CPNE5: variants seen among roughly 807,000 people sequenced by gnomAD.
CPNE5 encodes the protein copine-5.
Under a neutral mutation model 81.1 loss-of-function variants are expected in CPNE5, and 42 were observed. The ratio of observed to expected loss-of-function variants is 0.52; its 90% CI spans 0.40 to 0.67. CPNE5 has a LOEUF of 0.67. CPNE5 is among the 30% of genes least tolerant of loss of function. CPNE5 has a pLI of 0.00. For synonymous variants in CPNE5, 313 were observed against 321.5 expected (o/e 0.97, Z 0.28); for missense variants, 612 against 815.5 (o/e 0.75, Z 3.04).
chr6:36,836,205 A>C (rs1467242837), intron 1 of CPNE5, among the ~76,000 whole-genome samples: 1 of 152,232 alleles, frequency 6.6e-6, no homozygotes, highest in Non-Finnish European at 1.5e-5. Context: ...CAGGGGCCTG[A>C]AACTGTCCAT....
intron 6 of CPNE5, among the ~76,000 whole-genome samples, chr6:36,795,023 C>T (rs570845357): frequency 4.1e-4 from 63 of 152,224 alleles, no homozygotes; most frequent in Non-Finnish European, 5.6e-4. Context: ...TTCCAGACTC[C>T]GCATCCAGAC....
Position 36,796,496 on chromosome 6 carries a change from C to T in CPNE5, c.404+1669G>A, listed in dbSNP as rs114177320. Reference sequence around the variant, plus strand: ...CATCCTGGCAACCCAGGTAAAGCCACGGGTGGGGGTGCTGCTGGAAAGAGC... The same window carrying T: ...CATCCTGGCAACCCAGGTAAAGCCATGGGTGGGGGTGCTGCTGGAAAGAGC... On this transcript the variant is annotated intron_variant, in intron 6 of 20. Coordinates refer to ENST00000244751, the MANE Select transcript of CPNE5 (RefSeq NM_020939.2). 3.1e-3 allele frequency among the ~76,000 whole-genome samples: 465 copies of T among 152,292 alleles called. 5 individuals carry two copies. Among genetic ancestry groups the T allele is most frequent in the African/African-American group, 0.011 (443 of 41,558 alleles).
At chr6:36,803,811 T>C (rs236403) in intron 3 of CPNE5, among the ~76,000 whole-genome samples, 73,099 of 151,996 alleles carry the variant, frequency 0.48, 19,430 homozygotes, top group African/African-American at 0.71. Flanking sequence ...TTAACAGGTG[T>C]TTTTTAAAAA....
At position 36,766,480 on chromosome 6, in the gene CPNE5, G is replaced by C. The variant is rs1328492978; in HGVS notation, c.738-1104C>G. ...GTAAACCAGCACTCCTGTACAATGA[G>C]GCAGGCATGGAAGCCCACCATTTAA... On this transcript the variant is annotated intron_variant, in intron 10 of 20. Transcript: ENST00000244751. The surrounding 1 kb of genome is among the most constrained non-coding windows in gnomAD (Gnocchi z 4.2). 1.3e-5 allele frequency among the ~76,000 whole-genome samples: 2 copies of C among 152,192 alleles called. No individual in the cohort carries two copies. Among genetic ancestry groups the C allele is most frequent in the Non-Finnish European group, 2.9e-5 (2 of 68,034 alleles).
intron 3 of CPNE5, among the ~76,000 whole-genome samples, chr6:36,811,098 C>G (rs1771062786): frequency 6.6e-6 from 1 of 152,210 alleles, no homozygotes; most frequent in Non-Finnish European, 1.5e-5. Context: ...GGGAACGACC[C>G]TTTACCAATG....
chr6:36,835,126 G>A (rs979422973), intron 1 of CPNE5, among the ~76,000 whole-genome samples: 7 of 152,234 alleles, frequency 4.6e-5, no homozygotes, highest in South Asian at 4.1e-4. Flanking sequence ...GCCCCGCCGC[G>A]TCTTCCCTGG....
At chr6:36,828,562 TCAGCATAGAAAGAAACA>T (rs1772720299) in intron 1 of CPNE5, among the ~76,000 whole-genome samples, 1 of 152,204 alleles carries the variant, frequency 6.6e-6, no homozygotes, top group Admixed American at 6.5e-5. Context: ...GGCTTTGGCT[TCAGCATAGAAAGAAACA>T]TTTTCCTGGG....
chr6:36,827,155 T>A (rs1359949322), intron 1 of CPNE5, among the ~76,000 whole-genome samples: 1 of 151,958 alleles, frequency 6.6e-6, no homozygotes, highest in African/African-American at 2.4e-5. Context: ...GCTCAGCCCC[T>A]CTTCAGCCTC....
intron 3 of CPNE5, among the ~76,000 whole-genome samples, chr6:36,809,645 AG>A (rs1156404959): frequency 1.3e-5 from 2 of 152,198 alleles, no homozygotes; most frequent in Admixed American, 6.5e-5. Flanking sequence ...AAATTGACTT[AG>A]GACCTGATTT....
rs543484142 is a variant in CPNE5 at position 36,787,828 on chromosome 6, C to T, written c.528+4205G>A. ...CCATCACTGCCTCCTCCATGACCAC[C>T]GCCACCATCCTGGCTGGGACGGCCA... On this transcript the variant is annotated intron_variant, in intron 8 of 20. Coordinates refer to ENST00000244751, the MANE Select transcript of CPNE5 (RefSeq NM_020939.2). Among the ~76,000 whole-genome samples, 25 of 152,224 alleles carry T rather than the reference C, an allele frequency of 1.6e-4. No individual in the cohort carries two copies. In the East Asian group the frequency reaches 3.3e-3, roughly 20 times the overall value.
rs1306156977 is a variant in CPNE5, at chr6:36,766,593, C to T, written c.738-1217G>A. Among the ~76,000 whole-genome samples, 1 of 152,104 alleles carries T rather than the reference C, an allele frequency of 6.6e-6. No homozygotes were observed. Among genetic ancestry groups the T allele is most frequent in the Non-Finnish European group, 1.5e-5 (1 of 68,034 alleles). On this transcript the variant is annotated intron_variant, in intron 10 of 20. Transcript: ENST00000244751. The surrounding 1 kb of genome is among the most constrained non-coding windows in gnomAD (Gnocchi z 4.2). The stretch of plus-strand genomic sequence containing the variant: ...GAAAGGAAAAAAAAATCACCTAAGC[C>T]CCTGAAGGTGGGTTGATGAGCTGGA...
chr6:36,834,280 G>A (rs1238975), intron 1 of CPNE5, among the ~76,000 whole-genome samples: 78 of 66,736 alleles, frequency 1.2e-3, no homozygotes, highest in African/African-American at 1.5e-3. Flanking sequence ...AAAAAAAAAG[G>A]AAGGAAGGGA....
intron 8 of CPNE5, among the ~76,000 whole-genome samples, chr6:36,789,793 T>G (rs937942857): frequency 6.6e-6 from 1 of 152,138 alleles, no homozygotes; most frequent in African/African-American, 2.4e-5. Flanking sequence ...TCGTGATGGG[T>G]CCTCGGGAAT....
chr6:36,781,941 T>A (rs577262986), intron 8 of CPNE5, among the ~76,000 whole-genome samples: 2 of 151,778 alleles, frequency 1.3e-5, no homozygotes, highest in African/African-American at 4.8e-5. Context: ...AGCAAGGAAC[T>A]CAGAGCTCAG....
At chr6:36,788,660 T>C (rs1768822872) in intron 8 of CPNE5, among the ~76,000 whole-genome samples, 1 of 148,072 alleles carries the variant, frequency 6.8e-6, no homozygotes, top group Non-Finnish European at 1.5e-5. Flanking sequence ...ACTGCTGTAT[T>C]ACAGGCAGTA....
At chr6:36,743,390 A>G (rs1247772902) in intron 20 of CPNE5, among the ~76,000 whole-genome samples, 1 of 152,206 alleles carries the variant, frequency 6.6e-6, no homozygotes, top group Non-Finnish European at 1.5e-5. Context: ...AAAAACCAGA[A>G]CGAGGCTGAC....
At chr6:36,778,435 G>A (rs573555184) in intron 9 of CPNE5, among the ~76,000 whole-genome samples, 6 of 152,246 alleles carry the variant, frequency 3.9e-5, no homozygotes, top group Admixed American at 3.9e-4. Context: ...CCAGACTGGG[G>A]GCTGCTCAGA....
At chr6:36,813,159 C>T (rs1196143369) in intron 3 of CPNE5, among the ~76,000 whole-genome samples, 1 of 152,254 alleles carries the variant, frequency 6.6e-6, no homozygotes, top group Non-Finnish European at 1.5e-5. Flanking sequence ...TGCCCTTTCC[C>T]CTGCAGTCCA....
intron 13 of CPNE5, among the ~76,000 whole-genome samples, chr6:36,753,618 C>G (rs1281156820): frequency 6.6e-6 from 1 of 152,204 alleles, no homozygotes; most frequent in Non-Finnish European, 1.5e-5. Context: ...TTAAATCTTA[C>G]TGGTCCCATC....
Sources: gnomAD v4.1 joint callset for allele counts (sites outside exome capture counted in the v4.1 genomes callset) on GRCh38, gnomAD v4.1.1 for gene constraint, Gnocchi (gnomAD v3.1) non-coding constraint, MANE v1.5 for transcripts, NCBI Gene and HGNC (gene_info 2026-07-23, HGNC 2026-07-21) for gene names.